Variants in ADARB2 observed in about 807,000 individuals in gnomAD.
ADARB2 encodes the protein adenosine deaminase RNA specific B2 (inactive), also known as inactive double-stranded RNA-specific editase B2.
In ADARB2, 25 loss-of-function variants were observed where a neutral mutation model predicts 62.2. The ratio of observed to expected loss-of-function variants is 0.40; its 90% CI spans 0.29 to 0.56. ADARB2 has a LOEUF of 0.56. Ranked by LOEUF, ADARB2 falls within the 20% of genes least tolerant of loss-of-function variation. The probability of loss-of-function intolerance (pLI) is 0.43; values close to 1 mark genes in which losing one functional copy is unlikely to be tolerated. For synonymous variants in ADARB2, 572 were observed against 500.8 expected (o/e 1.14, Z -1.90); for missense variants, 1,071 against 1,077.4 (o/e 0.99, Z 0.08).
intron 1 of ADARB2, among the ~76,000 whole-genome samples, chr10:1,394,566 C>A (rs191269502): frequency 8.9e-4 from 135 of 152,288 alleles, no homozygotes; most frequent in African/African-American, 2.6e-3. Context: ...TGTGCAAAGG[C>A]CCAGGAGGGG....
chr10:1,439,482 G>A (rs553801862), intron 1 of ADARB2, among the ~76,000 whole-genome samples: 10 of 141,740 alleles, frequency 7.1e-5, no homozygotes, highest in Admixed American at 2.1e-4. Context: ...CCTTCACTAC[G>A]GGGCTTCTGA....
intron 1 of ADARB2, among the ~76,000 whole-genome samples, chr10:1,633,560 C>CTATCTATCTATCTATCTATCTATCTA (rs1564353048): frequency 1.0e-3 from 137 of 135,296 alleles, no homozygotes; most frequent in Admixed American, 1.8e-3. Context: ...ATCTATCTAT[C>CTATCTATCTATCTATCTATCTATCTA]TATCTATCTA....
At chr10:1,456,364 G>A (rs73578699) in intron 1 of ADARB2, among the ~76,000 whole-genome samples, 2 of 152,078 alleles carry the variant, frequency 1.3e-5, no homozygotes, top group South Asian at 2.1e-4. Flanking sequence ...CACCAGCAAC[G>A]GCTCCTGGAG....
At chr10:1,409,634 C>CGAGGCCTGGCTGTGGTCATGGTGCT (rs1588247792) in intron 1 of ADARB2, among the ~76,000 whole-genome samples, 1 of 134,622 alleles carries the variant, frequency 7.4e-6, no homozygotes, top group Non-Finnish European at 1.6e-5. Context: ...TCAGTGGTGC[C>CGAGGCCTGGCTGTGGTCATGGTGCT]GAGGCCTGGC....
At chr10:1,412,914 T>C (rs1832771364) in intron 1 of ADARB2, among the ~76,000 whole-genome samples, 1 of 152,260 alleles carries the variant, frequency 6.6e-6, no homozygotes, top group Admixed American at 6.5e-5. Context: ...AGGTTCCTTT[T>C]CCTTGGTTCA....
chr10:1,565,891 C>T (rs1832853369), intron 1 of ADARB2, among the ~76,000 whole-genome samples: 1 of 152,084 alleles, frequency 6.6e-6, no homozygotes, highest in Non-Finnish European at 1.5e-5. Flanking sequence ...TCTGGTCCTG[C>T]CTGTAACTCT....
At chr10:1,299,088 T>C (rs758780337) in intron 3 of ADARB2, among the ~76,000 whole-genome samples, 3 of 151,826 alleles carry the variant, frequency 2.0e-5, no homozygotes, top group Admixed American at 6.6e-5. Context: ...TTCTCCCTTA[T>C]GATGATAGTG....
chr10:1,547,853 A>T (rs1021128717), intron 1 of ADARB2, among the ~76,000 whole-genome samples: 1 of 152,044 alleles, frequency 6.6e-6, no homozygotes, highest in Admixed American at 6.5e-5. Context: ...TTGGTTTGTC[A>T]TTGCAGGACT....
intron 1 of ADARB2, among the ~76,000 whole-genome samples, chr10:1,609,166 G>A (rs759052973): frequency 6.6e-6 from 1 of 152,216 alleles, no homozygotes; most frequent in Non-Finnish European, 1.5e-5. Flanking sequence ...TTTCGGATTC[G>A]CTCAGCTCAC....
intron 1 of ADARB2, among the ~76,000 whole-genome samples, chr10:1,483,228 C>T (rs182985394): frequency 2.6e-5 from 4 of 152,146 alleles, no homozygotes; most frequent in Admixed American, 2.0e-4. Context: ...AAAGTAAAAG[C>T]TGAGAATAAT....
intron 6 of ADARB2, among the ~76,000 whole-genome samples, chr10:1,223,448 A>T (rs1830714789): frequency 6.6e-6 from 1 of 152,152 alleles, no homozygotes; most frequent in South Asian, 2.1e-4. Context: ...AACTTCCAAC[A>T]CTATGTTGAA....
At chr10:1,202,592 C>T (rs1010021903) in intron 7 of ADARB2, among the ~76,000 whole-genome samples, 6 of 152,190 alleles carry the variant, frequency 3.9e-5, no homozygotes, top group Admixed American at 2.6e-4. Context: ...CTCCTCGGGA[C>T]GTAAGATGCC....
At chr10:1,314,052 A>G (rs1172446295) in intron 3 of ADARB2, among the ~76,000 whole-genome samples, 1 of 152,250 alleles carries the variant, frequency 6.6e-6, no homozygotes, top group African/African-American at 2.4e-5. Flanking sequence ...CCCGTGCCAC[A>G]GCTCAGGAGC....
Position 1,331,448 on chromosome 10 carries a change from G to A in ADARB2, c.1077+31580C>T, listed in dbSNP as rs759158365. On this transcript the variant is annotated intron_variant, in intron 3 of 9. Transcript: ENST00000381312. ...CTATAAAAAGAAATGAAGTTCTGAC[G>A]TATGCCACACCCTAAAGACACCAAA... is the stretch of plus-strand genomic sequence containing the variant. Among the ~76,000 whole-genome samples, 13 of 152,184 alleles carry A rather than the reference G, an allele frequency of 8.5e-5. No individual in the cohort carries two copies. In the East Asian group the frequency reaches 9.6e-4, roughly 11 times the overall value.
At chr10:1,691,293 C>T (rs915363376) in intron 1 of ADARB2, among the ~76,000 whole-genome samples, 9 of 152,178 alleles carry the variant, frequency 5.9e-5, no homozygotes, top group Non-Finnish European at 1.3e-4. Flanking sequence ...ACCCTGATGA[C>T]ATTTTGACCT....
chr10:1,359,786 T>C (rs527253683), intron 3 of ADARB2, among the ~76,000 whole-genome samples: 1 of 152,322 alleles, frequency 6.6e-6, no homozygotes, highest in Admixed American at 6.5e-5. Context: ...GCAGTGGCTC[T>C]CAACAGTGTG....
chr10:1,648,921 T>C (rs11250702), intron 1 of ADARB2, among the ~76,000 whole-genome samples: 35,316 of 152,136 alleles, frequency 0.23, 4,156 homozygotes, highest in Admixed American at 0.27. Flanking sequence ...ACTGGTGCAA[T>C]GTCAGCTGCA....
intron 4 of ADARB2, among the ~76,000 whole-genome samples, chr10:1,253,914 G>A (rs116662831): frequency 0.026 from 3,893 of 152,004 alleles, 61 homozygotes; most frequent in Middle Eastern, 0.048. Context: ...TGGGTAAAAT[G>A]TGGGATCTGG....
chr10:1,688,990 G>T (rs1211836076), intron 1 of ADARB2, among the ~76,000 whole-genome samples: 3 of 152,174 alleles, frequency 2.0e-5, no homozygotes, highest in African/African-American at 7.2e-5. Context: ...TTTTGCAGGT[G>T]ATCAGTGACT....
Sources: allele counts gnomAD v4.1 joint callset (sites outside exome capture counted in the v4.1 genomes callset), GRCh38; gene constraint gnomAD v4.1.1; transcripts MANE v1.5; gene names NCBI Gene and HGNC (gene_info 2026-07-23, HGNC 2026-07-21).